Variants in POU6F2 observed in about 807,000 individuals in gnomAD.
POU6F2 encodes the protein POU domain, class 6, transcription factor 2.
Under a neutral mutation model 71.3 loss-of-function variants are expected in POU6F2, and 31 were observed. The ratio of observed to expected loss-of-function variants is 0.43; its 90% CI spans 0.33 to 0.59. The LOEUF (loss-of-function observed/expected upper bound fraction) is 0.59. Ranked by LOEUF, POU6F2 falls within the 20% of genes least tolerant of loss-of-function variation. The probability of loss-of-function intolerance (pLI) is 0.04; values close to 1 mark genes in which losing one functional copy is unlikely to be tolerated. For synonymous variants in POU6F2, 347 were observed against 355.7 expected (o/e 0.98, Z 0.27); for missense variants, 783 against 856.8 (o/e 0.91, Z 1.07).
At chr7:39,206,603 T>C (rs933140519) in intron 3 of POU6F2, among the ~76,000 whole-genome samples, 4 of 152,242 alleles carry the variant, frequency 2.6e-5, no homozygotes, top group Admixed American at 6.5e-5. Context: ...CAGCTTACTT[T>C]CTATTTTATT....
chr7:38,995,215 T>A (rs1788704141), intron 1 of POU6F2, among the ~76,000 whole-genome samples: 1 of 152,224 alleles, frequency 6.6e-6, no homozygotes, highest in African/African-American at 2.4e-5. Context: ...ATCTATCCAT[T>A]CTGTGTCTTG....
intron 1 of POU6F2, among the ~76,000 whole-genome samples, chr7:39,030,289 T>A (rs1036998857): frequency 1.5e-4 from 22 of 151,682 alleles, no homozygotes; most frequent in Admixed American, 4.6e-4. Flanking sequence ...ATCAATATTT[T>A]GCACTCAGTA....
intron 5 of POU6F2, among the ~76,000 whole-genome samples, chr7:39,391,857 G>C (rs1429515003): frequency 1.3e-5 from 2 of 152,196 alleles, no homozygotes; most frequent in Non-Finnish European, 2.9e-5. Flanking sequence ...TAGATTTAAA[G>C]TTCCATTGTT....
At chr7:39,378,664 C>T (rs905553326) in intron 5 of POU6F2, among the ~76,000 whole-genome samples, 1 of 152,120 alleles carries the variant, frequency 6.6e-6, no homozygotes, top group African/African-American at 2.4e-5. Context: ...CTTCTTTCTC[C>T]AACATTGTAA....
At chr7:39,332,171 C>G (rs1785668800) in intron 4 of POU6F2, among the ~76,000 whole-genome samples, 1 of 152,074 alleles carries the variant, frequency 6.6e-6, no homozygotes, top group African/African-American at 2.4e-5. Context: ...TTGATTTTTC[C>G]TGAATTTTCT....
chr7:39,460,823 T>A lies in POU6F2; in HGVS notation c.1658+108T>A. ...TGGGCAAAGCTGGAGGGGCAGAGAG[T>A]GGGAACAAAGTTTGGGGGCAGCTAT... On this transcript the variant is annotated intron_variant, in intron 9 of 9. Transcript: ENST00000518318. This position sits in a 1 kb window ranked among gnomAD's most constrained non-coding sequence, Gnocchi z 4.4. The A allele has an allele frequency of 7.7e-7, 1 of 1,306,156 alleles. No homozygotes were observed. Among genetic ancestry groups the A allele is most frequent in the Non-Finnish European group, 1.0e-6 (1 of 984,404 alleles). 80.9% of individuals were successfully genotyped at this position (1,306,156 alleles called of 1,614,324 possible).
At chr7:39,359,763 C>T (rs1192713885) in intron 5 of POU6F2, among the ~76,000 whole-genome samples, 1 of 151,972 alleles carries the variant, frequency 6.6e-6, no homozygotes, top group Non-Finnish European at 1.5e-5. Context: ...TTGAAAAGGC[C>T]CATCCATACT....
At chr7:39,309,762 G>A (rs1018161613) in intron 4 of POU6F2, among the ~76,000 whole-genome samples, 1 of 152,198 alleles carries the variant, frequency 6.6e-6, no homozygotes, top group Admixed American at 6.5e-5. Context: ...GACATAGAAT[G>A]TGACTTACAT....
chr7:39,059,787 C>T (rs1393177243), intron 1 of POU6F2, among the ~76,000 whole-genome samples: 1 of 152,176 alleles, frequency 6.6e-6, no homozygotes, highest in African/African-American at 2.4e-5. Context: ...AAATACCCAT[C>T]TATTGATGAA....
chr7:39,308,365 G>C (rs929080612), intron 4 of POU6F2, among the ~76,000 whole-genome samples: 2 of 152,164 alleles, frequency 1.3e-5, no homozygotes, highest in Non-Finnish European at 1.5e-5. Flanking sequence ...TCAGTGAAAC[G>C]TGTGATCAGG....
intron 2 of POU6F2, among the ~76,000 whole-genome samples, chr7:39,169,498 C>A (rs1190582138): frequency 6.6e-6 from 1 of 152,344 alleles, no homozygotes; most frequent in South Asian, 2.1e-4. Flanking sequence ...AACCTGTACA[C>A]ACTCATTGCA....
chr7:39,169,788 A>G lies in POU6F2; in HGVS notation c.278-34447A>G, dbSNP rs1584580140. On this transcript the variant is annotated intron_variant, in intron 2 of 9. Coordinates refer to ENST00000518318, the MANE Select transcript of POU6F2 (RefSeq NM_001370959.1). Reference sequence around the variant, plus strand: ...AAAATAAGGGTTAGTACTCAGGATAAAATATTTATACTTTTTATAATAAAA... The same window carrying G: ...AAAATAAGGGTTAGTACTCAGGATAGAATATTTATACTTTTTATAATAAAA... Among the ~76,000 whole-genome samples, 3 of 152,272 alleles carry G rather than the reference A, an allele frequency of 2.0e-5. No individual in the cohort carries two copies. The South Asian group carries it at 6.2e-4, about 32-fold the overall frequency.
At position 39,204,344 on chromosome 7, in the gene POU6F2, G is replaced by T; in HGVS notation, c.369+18G>T. 6.3e-7 allele frequency: 1 copy of T among 1,588,876 alleles called. No homozygotes were observed. Among genetic ancestry groups the T allele is most frequent in the South Asian group, 1.1e-5 (1 of 90,190 alleles). On this transcript the variant is annotated intron_variant, in intron 3 of 9. Coordinates refer to ENST00000518318, the MANE Select transcript of POU6F2 (RefSeq NM_001370959.1). ...GGCCACAGGTCAGTATCTCTCAACTGCTTTCCACTGGGCTGCATTTAGGAT... is the reference window on the plus strand; with the variant it reads ...GGCCACAGGTCAGTATCTCTCAACTTCTTTCCACTGGGCTGCATTTAGGAT...
At chr7:39,432,471 T>C (rs1788125871) in intron 6 of POU6F2, among the ~76,000 whole-genome samples, 1 of 152,138 alleles carries the variant, frequency 6.6e-6, no homozygotes, top group Non-Finnish European at 1.5e-5. Flanking sequence ...AGTCAGTAAG[T>C]GGCACAGCTG....
chr7:39,267,669 T>C (rs1183148392), intron 4 of POU6F2, among the ~76,000 whole-genome samples: 1 of 152,004 alleles, frequency 6.6e-6, no homozygotes, highest in African/African-American at 2.4e-5. Context: ...AAGGTCTTGC[T>C]ATGTTTCCCA....
At position 39,082,128 on chromosome 7, in the gene POU6F2, G is replaced by A. The variant is rs376900092; in HGVS notation, c.106-3732G>A. Among the ~76,000 whole-genome samples the A allele has an allele frequency of 2.6e-5, 4 of 152,336 alleles. No homozygotes were observed. The East Asian group carries it at 7.7e-4, about 29-fold the overall frequency. On this transcript the variant is annotated intron_variant, in intron 1 of 9. Transcript: ENST00000518318. The stretch of plus-strand genomic sequence containing the variant: ...CTTGAAGGAGACAGATAATCACTGT[G>A]TAGTTTCTGATGGAGATTGCAATCC...
intron 2 of POU6F2, among the ~76,000 whole-genome samples, chr7:39,143,638 G>C (rs1792553750): frequency 6.6e-6 from 1 of 152,212 alleles, no homozygotes; most frequent in Non-Finnish European, 1.5e-5. Flanking sequence ...AGCTGAAGGA[G>C]TGAAGACTCC....
At chr7:39,235,247 A>G (rs68148730) in intron 4 of POU6F2, among the ~76,000 whole-genome samples, 24,054 of 152,140 alleles carry the variant, frequency 0.16, 2,164 homozygotes, top group African/African-American at 0.25. Flanking sequence ...TCATTTTTAG[A>G]AAAGGAAAAG....
At chr7:38,990,865 G>A (rs1788585689) in intron 1 of POU6F2, among the ~76,000 whole-genome samples, 1 of 152,100 alleles carries the variant, frequency 6.6e-6, no homozygotes, top group Non-Finnish European at 1.5e-5. Context: ...TTGAGAGGGA[G>A]TAAAAGAGAG....
Sources: gnomAD v4.1 joint callset for allele counts (sites outside exome capture counted in the v4.1 genomes callset) on GRCh38, gnomAD v4.1.1 for gene constraint, Gnocchi (gnomAD v3.1) non-coding constraint, MANE v1.5 for transcripts, NCBI Gene and HGNC (gene_info 2026-07-23, HGNC 2026-07-21) for gene names.